Variants in FGD4 observed in about 807,000 individuals in gnomAD.
The protein encoded by FGD4 is FYVE, RhoGEF and PH domain-containing protein 4.
Under a neutral mutation model 102.0 loss-of-function variants are expected in FGD4, and 42 were observed. The observed-to-expected ratio is 0.41, with a 90% CI of 0.32 to 0.53. The LOEUF is 0.53. Ranked by LOEUF, FGD4 falls within the 20% of genes least tolerant of loss-of-function variation. The pLI, the probability that FGD4 is intolerant of heterozygous loss-of-function variation, is 0.21. For synonymous variants in FGD4, 380 were observed against 375.7 expected (o/e 1.01, Z -0.13); for missense variants, 902 against 1,078.2 (o/e 0.84, Z 2.29).
At chr12:32,629,485 A>G (rs1456528160) in intron 14 of FGD4, among the ~76,000 whole-genome samples, 1 of 152,192 alleles carries the variant, frequency 6.6e-6, no homozygotes, top group Non-Finnish European at 1.5e-5. Flanking sequence ...TCTCCATTAT[A>G]TAATTCAGAA....
At chr12:32,491,882 C>T (rs1349076181) in intron 1 of FGD4, among the ~76,000 whole-genome samples, 1 of 152,130 alleles carries the variant, frequency 6.6e-6, no homozygotes, top group Non-Finnish European at 1.5e-5. Context: ...TTGCCTTTTC[C>T]CTGGCATTAT....
chr12:32,640,027 A>AGAGG (rs543234523), intron 16 of FGD4, among the ~76,000 whole-genome samples: 252 of 152,216 alleles, frequency 1.7e-3, no homozygotes, highest in African/African-American at 5.8e-3. Context: ...CTTTTCACAG[A>AGAGG]GAGGAGGGTG....
At chr12:32,588,570 G>A (rs796627499) in intron 4 of FGD4, among the ~76,000 whole-genome samples, 8 of 151,442 alleles carry the variant, frequency 5.3e-5, no homozygotes, top group African/African-American at 2.0e-4. Context: ...GCCAAGACCA[G>A]CAAGAAGTCC....
rs1382102024 is a variant in FGD4 at position 32,643,556 on chromosome 12, T to C, written c.*3023T>C. On this transcript the variant is annotated 3_prime_UTR_variant, in exon 17 of 17. Transcript: ENST00000534526. ...ATTTGACATCAGGTTTGTGTACTTATCTTCACTAGGTGACTTAACTTACCC... is the reference window on the plus strand; with the variant it reads ...ATTTGACATCAGGTTTGTGTACTTACCTTCACTAGGTGACTTAACTTACCC... 1.3e-5 allele frequency: 2 copies of C among 152,096 alleles called. No individual in the cohort carries two copies. Among genetic ancestry groups the C allele is most frequent in the Admixed American group, 1.3e-4 (2 of 15,264 alleles). The allele number at this position is 152,096 out of a possible 1,614,324, so 9.4% of individuals were successfully genotyped here.
At chr12:32,471,844 A>G (rs1943422592) in intron 1 of FGD4, among the ~76,000 whole-genome samples, 1 of 152,228 alleles carries the variant, frequency 6.6e-6, no homozygotes, top group Non-Finnish European at 1.5e-5. Context: ...CCAGCACAGC[A>G]TCATTTCTGC....
intron 1 of FGD4, among the ~76,000 whole-genome samples, chr12:32,518,096 A>G (rs1363393945): frequency 6.6e-6 from 1 of 152,206 alleles, no homozygotes; most frequent in Admixed American, 6.5e-5. Context: ...TTCAGGATTG[A>G]CGTGTGTAGA....
Position 32,644,844 on chromosome 12 carries a change from A to T in FGD4, c.*4311A>T, listed in dbSNP as rs914917532. On this transcript the variant is annotated 3_prime_UTR_variant, in exon 17 of 17. Transcript: ENST00000534526. Reference sequence around the variant, plus strand: ...TCTTTTTCTCCTTTGGGCTTTTAAAAAATAATTTCATTCTCAGATCATTTT... The same window carrying T: ...TCTTTTTCTCCTTTGGGCTTTTAAATAATAATTTCATTCTCAGATCATTTT... The T allele has an allele frequency of 6.6e-6, 1 of 152,140 alleles. No individual in the cohort carries two copies. The highest frequency in any genetic ancestry group is 2.4e-5 in the African/African-American group (1 of 41,406). 9.4% of individuals were successfully genotyped at this position (152,140 alleles called of 1,614,324 possible). A position where few individuals can be genotyped will look rare whatever the true frequency, so the allele number is the denominator to read the frequency against.
In FGD4 at chr12:32,466,075, G is replaced by A. The variant is rs575708333; in HGVS notation, c.166+66116G>A. Among the ~76,000 whole-genome samples, 126 of 152,254 alleles carry A rather than the reference G, an allele frequency of 8.3e-4. 2 individuals carry two copies. The highest frequency in any genetic ancestry group is 1.3e-3 in the Non-Finnish European group (88 of 68,022). ...TTATAGGCGTGAGCTACTGTACCCA[G>A]CCTAAAGTATATTTTAATTAAGGAT... On this transcript the variant is annotated intron_variant, in intron 1 of 16. Coordinates refer to ENST00000534526, the MANE Select transcript of FGD4 (RefSeq NM_001370298.3).
At chr12:32,607,614 A>G (rs1160940142) in intron 7 of FGD4, among the ~76,000 whole-genome samples, 5 of 152,132 alleles carry the variant, frequency 3.3e-5, no homozygotes, top group Non-Finnish European at 7.3e-5. Context: ...GGTTCAAGCA[A>G]TTCTCCTGCC....
rs1943121488 is a variant in FGD4 at position 32,544,979 on chromosome 12, G to A, written c.167-19158G>A. ...GAGATTGACTTAAGTGGTTTGGGGT[G>A]CAACCCAGGTATTGCAGTTTTCTTT... On this transcript the variant is annotated intron_variant, in intron 1 of 16. Transcript: ENST00000534526. This position sits in a 1 kb window ranked among gnomAD's most constrained non-coding sequence, Gnocchi z 4.1. 1.3e-5 allele frequency among the ~76,000 whole-genome samples: 2 copies of A among 152,130 alleles called. No homozygotes were observed. Among genetic ancestry groups the A allele is most frequent in the African/African-American group, 2.4e-5 (1 of 41,384 alleles).
intron 1 of FGD4, among the ~76,000 whole-genome samples, chr12:32,514,913 C>T: frequency 6.6e-6 from 1 of 151,970 alleles, no homozygotes; most frequent in Non-Finnish European, 1.5e-5. Flanking sequence ...ATGGGGTTTT[C>T]ACCATGTTGC....
At chr12:32,476,665 A>C (rs1464295121) in intron 1 of FGD4, among the ~76,000 whole-genome samples, 1 of 151,938 alleles carries the variant, frequency 6.6e-6, no homozygotes, top group Admixed American at 6.6e-5. Context: ...GCTGAAGTGG[A>C]TGGATCACTT....
At position 32,640,706 on chromosome 12, in the gene FGD4, A is replaced by T; in HGVS notation, c.*173A>T. On this transcript the variant is annotated 3_prime_UTR_variant, in exon 17 of 17. Transcript: ENST00000534526. Reference sequence around the variant, plus strand: ...TACTCTTAGTGAAATTAGTGTGCAGAGTCATTCTACCGATAAAGTTTTGAA... The same window carrying T: ...TACTCTTAGTGAAATTAGTGTGCAGTGTCATTCTACCGATAAAGTTTTGAA... The T allele has an allele frequency of 1.1e-6, 1 of 888,382 alleles. No homozygotes were observed. The highest frequency in any genetic ancestry group is 1.7e-6 in the Non-Finnish European group (1 of 587,452). The allele number at this position is 888,382 out of a possible 1,614,324, so 55.0% of individuals were successfully genotyped here.
At chr12:32,472,570 C>T (rs1159660939) in intron 1 of FGD4, among the ~76,000 whole-genome samples, 1 of 152,222 alleles carries the variant, frequency 6.6e-6, no homozygotes, top group Non-Finnish European at 1.5e-5. Context: ...GCCTGAGCCT[C>T]CCACCCACTC....
chr12:32,472,717 C>T (rs547816273), intron 1 of FGD4, among the ~76,000 whole-genome samples: 12 of 152,114 alleles, frequency 7.9e-5, no homozygotes, highest in African/African-American at 2.9e-4. Context: ...ACCTGCAGCC[C>T]CGGTGCGGGA....
At chr12:32,473,960 C>T (rs531877776) in intron 1 of FGD4, among the ~76,000 whole-genome samples, 3 of 151,876 alleles carry the variant, frequency 2.0e-5, no homozygotes, top group South Asian at 2.1e-4. Context: ...TGGTGGTGGG[C>T]GCCTGTAGTC....
At chr12:32,579,063 T>TTA in intron 3 of FGD4, among the ~76,000 whole-genome samples, 1 of 140,976 alleles carries the variant, frequency 7.1e-6, no homozygotes. Context: ...TTTTTTTTTT[T>TTA]GAGACAGAGT....
intron 1 of FGD4, among the ~76,000 whole-genome samples, chr12:32,489,956 G>T (rs1382871194): frequency 2.0e-5 from 3 of 151,902 alleles, no homozygotes; most frequent in African/African-American, 7.3e-5. Flanking sequence ...GATATCCTTT[G>T]AACAGTGATG....
chr12:32,581,644 G>C (rs1946627224), intron 3 of FGD4, among the ~76,000 whole-genome samples: 1 of 152,080 alleles, frequency 6.6e-6, no homozygotes, highest in Non-Finnish European at 1.5e-5. Flanking sequence ...TTATTAAACA[G>C]TGCAAGGATC....
Sources: allele counts gnomAD v4.1 joint callset (sites outside exome capture counted in the v4.1 genomes callset), GRCh38; gene constraint gnomAD v4.1.1; non-coding constraint Gnocchi (gnomAD v3.1); transcripts MANE v1.5; gene names NCBI Gene and HGNC (gene_info 2026-07-23, HGNC 2026-07-21).